Variants in CRIPT observed in about 807,000 individuals in gnomAD.
CRIPT encodes the protein CXXC repeat containing interactor of PDZ3 domain, also known as cysteine-rich PDZ-binding protein.
In CRIPT, 20 loss-of-function variants were observed where a neutral mutation model predicts 16.6. The observed-to-expected ratio is 1.20, with a 90% CI of 0.85 to 1.75. CRIPT has a LOEUF of 1.75. CRIPT is among the 40% of genes most tolerant of loss of function. The probability of loss-of-function intolerance (pLI) is 0.00; values close to 1 mark genes in which losing one functional copy is unlikely to be tolerated. For missense variants in CRIPT, 133 were observed against 115.3 expected, an observed-to-expected ratio of 1.15 and a Z score of -0.70; for synonymous variants, 42 against 37.0, an observed-to-expected ratio of 1.14 and a Z score of -0.49.
Position 46,628,477 on chromosome 2 carries a change from G to C in CRIPT, c.*4250G>C, listed in dbSNP as rs1308757331. Among the ~76,000 whole-genome samples the C allele has an allele frequency of 6.6e-6, 1 of 152,192 alleles. No homozygotes were observed. Among genetic ancestry groups the C allele is most frequent in the African/African-American group, 2.4e-5 (1 of 41,448 alleles). The stretch of plus-strand genomic sequence containing the variant: ...AGGAATAGCATTGAATCTGTGGATT[G>C]CTTTGGGCAGTATGGCCATTTTAAT... On this transcript the variant is annotated 3_prime_UTR_variant, in exon 5 of 5. Coordinates refer to ENST00000238892, the MANE Select transcript of CRIPT (RefSeq NM_014171.6).
chr2:46,618,116 T>C (rs1010537382), intron 1 of CRIPT, among the ~76,000 whole-genome samples: 1 of 151,550 alleles, frequency 6.6e-6, no homozygotes, highest in African/African-American at 2.4e-5. Context: ...CAAACTTTCT[T>C]TTCTTGGATT....
Position 46,623,587 on chromosome 2 carries a change from G to T in CRIPT, c.138-177G>T, listed in dbSNP as rs185418374. ...ATATATCTCACATGGATGGAGCAGA[G>T]CAGAGATGTACAGGCATATCAGACA... On this transcript the variant is annotated intron_variant, in intron 3 of 4. Coordinates refer to ENST00000238892, the MANE Select transcript of CRIPT (RefSeq NM_014171.6). Among the ~76,000 whole-genome samples, 202 of 152,288 alleles carry T rather than the reference G, an allele frequency of 1.3e-3. 2 individuals are homozygous for T. The highest frequency in any genetic ancestry group is 3.4e-3 in the Middle Eastern group (1 of 294).
At position 46,624,466 on chromosome 2, in the gene CRIPT, A is replaced by G. The variant is rs553726248; in HGVS notation, c.*239A>G. On this transcript the variant is annotated 3_prime_UTR_variant, in exon 5 of 5. Coordinates refer to ENST00000238892, the MANE Select transcript of CRIPT (RefSeq NM_014171.6). ...GAACTAAGTGGCAAATTCCATGAAA[A>G]TATTTCTCAGTTCTGTATGCACTTT... The G allele has an allele frequency of 3.9e-4, 122 of 316,066 alleles. No homozygotes were observed. The Middle Eastern group carries it at 7.2e-3, about 19-fold the overall frequency. 19.6% of individuals were successfully genotyped at this position (316,066 alleles called of 1,614,324 possible). A position where few individuals can be genotyped will look rare whatever the true frequency, so the allele number is the denominator to read the frequency against.
chr2:46,624,132 T>A, intron 4 of CRIPT, 31 bp from the exon 5 acceptor site: 1 of 1,497,586 alleles, frequency 6.7e-7, no homozygotes, highest in Non-Finnish European at 9.0e-7. Flanking sequence ...GTATTATGAT[T>A]TGATTGATCA....
chr2:46,618,603 T>C (rs1292268084), intron 1 of CRIPT, among the ~76,000 whole-genome samples, 170 bp from the exon 2 acceptor site: 1 of 152,228 alleles, frequency 6.6e-6, no homozygotes, highest in Non-Finnish European at 1.5e-5. Context: ...GGTCAGTCAT[T>C]CATTGGCCAC....
chr2:46,621,905 C>T (rs1288705951), intron 3 of CRIPT, among the ~76,000 whole-genome samples: 1 of 152,186 alleles, frequency 6.6e-6, no homozygotes, highest in African/African-American at 2.4e-5. Context: ...CTTTTATATA[C>T]TTCCAGTTCC....
chr2:46,617,376 C>T (rs375806183), intron 1 of CRIPT, 78 bp downstream of exon 1: 6 of 1,490,034 alleles, frequency 4.0e-6, no homozygotes, highest in Non-Finnish European at 4.5e-6. Flanking sequence ...TTTGCTTTCT[C>T]GTTGTTTTTT....
Position 46,623,752 on chromosome 2 carries a change from A to C in CRIPT, c.138-12A>C. ...TAATATACAATTTTCTCTCTTTAAAAAAAATTTCTAGATTTGATCCATATG... is the reference window on the plus strand; with the variant it reads ...TAATATACAATTTTCTCTCTTTAAACAAAATTTCTAGATTTGATCCATATG... On this transcript the variant is annotated splice_polypyrimidine_tract_variant and intron_variant, in intron 3 of 4. Coordinates refer to ENST00000238892, the MANE Select transcript of CRIPT (RefSeq NM_014171.6). 1 of 1,538,540 alleles carries C rather than the reference A, an allele frequency of 6.5e-7. No homozygotes were observed. The highest frequency in any genetic ancestry group is 1.8e-5 in the Admixed American group (1 of 56,638).
intron 2 of CRIPT, among the ~76,000 whole-genome samples, chr2:46,619,057 G>T (rs991292172): frequency 6.6e-6 from 1 of 152,256 alleles, no homozygotes; most frequent in Admixed American, 6.5e-5. Flanking sequence ...ATTATTAAAT[G>T]ATTGTCAAGT....
At chr2:46,618,737 A>C (rs376579177) in intron 1 of CRIPT, 36 bp from the exon 2 acceptor site, 98 of 1,359,252 alleles carry the variant, frequency 7.2e-5, no homozygotes, top group South Asian at 6.9e-4. Context: ...TTAAATAATA[A>C]AGTTTAATTT....
chr2:46,618,481 G>C (rs543502773), intron 1 of CRIPT, among the ~76,000 whole-genome samples: 1 of 152,244 alleles, frequency 6.6e-6, no homozygotes, highest in East Asian at 1.9e-4. Flanking sequence ...ATACATGATA[G>C]ATGCTTAGTA....
rs1288960449 is a variant in CRIPT at position 46,618,773 on chromosome 2, G to A, written c.17G>A (p.Cys6Tyr). The change falls in exon 2 of 5, where the codon TGT becomes TAT. Residue 6 changes from cysteine to tyrosine, a missense_variant and splice_region_variant. Transcript: ENST00000238892. ...TCCTTTTACTATCTTGTTCTAACAG[G>A]TGAAAAGAAACTTGGTACTGTTATC... MVCEK[C>Y]EKKLGTVITP... 1.3e-6 allele frequency: 2 copies of A among 1,595,864 alleles called. No homozygotes were observed. The highest frequency in any genetic ancestry group is 2.7e-5 in the African/African-American group (2 of 74,354).
In CRIPT at chr2:46,624,378, T is replaced by A; in HGVS notation, c.*151T>A. The A allele has an allele frequency of 2.3e-6, 1 of 425,958 alleles. No homozygotes were observed. Among genetic ancestry groups the A allele is most frequent in the Middle Eastern group, 6.0e-4 (1 of 1,666 alleles). 26.4% of individuals were successfully genotyped at this position (425,958 alleles called of 1,614,324 possible). ...TGTTACTCATTTTGCTCTCATGTTC[T>A]AAACAGCAACAGTGTAACTAGTCTT... On this transcript the variant is annotated 3_prime_UTR_variant, in exon 5 of 5. Coordinates refer to ENST00000238892, the MANE Select transcript of CRIPT (RefSeq NM_014171.6).
chr2:46,624,282 T>C lies in CRIPT; in HGVS notation c.*55T>C. ...ATGATTTTACTTTCTGCCTTGAATT[T>C]TCAAGGCATAGATGTCAACTTACAG... On this transcript the variant is annotated 3_prime_UTR_variant, in exon 5 of 5. Coordinates refer to ENST00000238892, the MANE Select transcript of CRIPT (RefSeq NM_014171.6). 8.3e-7 allele frequency: 1 copy of C among 1,201,864 alleles called. No individual in the cohort carries two copies. Among genetic ancestry groups the C allele is most frequent in the African/African-American group, 1.5e-5 (1 of 65,586 alleles). 74.4% of individuals were successfully genotyped at this position (1,201,864 alleles called of 1,614,324 possible).
chr2:46,627,921 G>T lies in CRIPT; in HGVS notation c.*3694G>T, dbSNP rs1357052376. 6.6e-6 allele frequency among the ~76,000 whole-genome samples: 1 copy of T among 152,040 alleles called. No homozygotes were observed. The highest frequency in any genetic ancestry group is 1.5e-5 in the Non-Finnish European group (1 of 67,988). ...TTTGTCAAAGGTCAGATGGCTGTAG[G>T]TGTGTAGCTTTATTTCTGTCTGTTC... is the stretch of plus-strand genomic sequence containing the variant. On this transcript the variant is annotated 3_prime_UTR_variant, in exon 5 of 5. Transcript: ENST00000238892.
In CRIPT at chr2:46,629,511, G is replaced by C. The variant is rs527270157; in HGVS notation, c.*5284G>C. Among the ~76,000 whole-genome samples the C allele has an allele frequency of 3.9e-5, 6 of 152,224 alleles. No homozygotes were observed. In the East Asian group the frequency reaches 9.6e-4, roughly 24 times the overall value. ...TATTGCCATAACCCTCTAATCTGGA[G>C]CAGTTCCTCAGCTTTTCTTTGTTTT... On this transcript the variant is annotated 3_prime_UTR_variant, in exon 5 of 5. Transcript: ENST00000238892.
intron 1 of CRIPT, among the ~76,000 whole-genome samples, chr2:46,618,294 GA>G (rs3834106): frequency 1.3e-5 from 2 of 149,372 alleles, no homozygotes; most frequent in African/African-American, 2.5e-5. Context: ...CTCTTGCCAG[GA>G]AAAAAAAATG....
intron 1 of CRIPT, among the ~76,000 whole-genome samples, chr2:46,618,289 G>A (rs1306395214): frequency 7.0e-6 from 1 of 143,884 alleles, no homozygotes. Context: ...ATAGACTCTT[G>A]CCAGGAAAAA....
intron 1 of CRIPT, among the ~76,000 whole-genome samples, chr2:46,618,450 TC>T (rs1670721650): frequency 6.6e-6 from 1 of 152,234 alleles, no homozygotes; most frequent in Non-Finnish European, 1.5e-5. Flanking sequence ...ACTTCATTTT[TC>T]TCAGCACTTT....
Sources: gnomAD v4.1 joint callset for allele counts (sites outside exome capture counted in the v4.1 genomes callset) on GRCh38, gnomAD v4.1.1 for gene constraint, MANE v1.5 for transcripts, NCBI Gene and HGNC (gene_info 2026-07-23, HGNC 2026-07-21) for gene names.